The following CCSER2 variants were observed in gnomAD, a reference collection of about 807,000 sequenced individuals.
CCSER2 encodes the protein serine-rich coiled-coil domain-containing protein 2.
Under a neutral mutation model 92.3 loss-of-function variants are expected in CCSER2, and 46 were observed. The ratio of observed to expected loss-of-function variants is 0.50; its 90% CI spans 0.39 to 0.64. The LOEUF (loss-of-function observed/expected upper bound fraction) is 0.64. Ranked by LOEUF, CCSER2 falls within the 30% of genes least tolerant of loss-of-function variation. CCSER2 has a pLI of 0.00. For missense variants in CCSER2, 1,244 were observed against 1,238.9 expected (o/e 1.00, Z -0.06); for synonymous variants, 433 against 431.4 (o/e 1.00, Z -0.04).
intron 3 of CCSER2, among the ~76,000 whole-genome samples, chr10:84,413,524 A>C (rs1842755020): frequency 6.6e-6 from 1 of 152,038 alleles, no homozygotes; most frequent in Non-Finnish European, 1.5e-5. Flanking sequence ...TTATGATTTC[A>C]GTTCTTTTGC....
chr10:84,330,699 G>T (rs771721846), intron 1 of CCSER2, among the ~76,000 whole-genome samples: 1 of 152,066 alleles, frequency 6.6e-6, no homozygotes, highest in Non-Finnish European at 1.5e-5. Flanking sequence ...AGTAGAGACG[G>T]GTTTCAGTAT....
At chr10:84,425,012 TAGTG>T (rs1843353337) in intron 4 of CCSER2, 3 of 983,426 alleles carry the variant, frequency 3.1e-6, no homozygotes, top group African/African-American at 1.7e-5. Context: ...GTAACTCTCT[TAGTG>T]AGTGCTCAGA....
intron 6 of CCSER2, among the ~76,000 whole-genome samples, chr10:84,442,553 G>A (rs1476983008): frequency 6.6e-6 from 1 of 152,192 alleles, no homozygotes; most frequent in East Asian, 1.9e-4. Context: ...TTCCTGGATG[G>A]TAAGAATGTA....
At chr10:84,482,465 T>C (rs1384872059) in intron 9 of CCSER2, among the ~76,000 whole-genome samples, 1 of 152,242 alleles carries the variant, frequency 6.6e-6, no homozygotes, top group African/African-American at 2.4e-5. Context: ...TACAGATCCA[T>C]GTACAAGCAT....
At chr10:84,333,093 A>T (rs1391459530) in intron 1 of CCSER2, among the ~76,000 whole-genome samples, 1 of 152,234 alleles carries the variant, frequency 6.6e-6, no homozygotes, top group Non-Finnish European at 1.5e-5. Flanking sequence ...TTAATAAATT[A>T]TGGTAAGTTT....
chr10:84,457,477 A>G (rs1172408025), intron 6 of CCSER2, among the ~76,000 whole-genome samples: 1 of 114,194 alleles, frequency 8.8e-6, no homozygotes, highest in Non-Finnish European at 1.6e-5. Context: ...TATATATAAA[A>G]GACATGGACT....
intron 1 of CCSER2, among the ~76,000 whole-genome samples, chr10:84,367,612 C>T (rs1845844855): frequency 6.6e-6 from 1 of 151,904 alleles, no homozygotes; most frequent in African/African-American, 2.4e-5. Context: ...CTCCTGGTCT[C>T]AAGTGATCAA....
intron 3 of CCSER2, among the ~76,000 whole-genome samples, chr10:84,377,006 G>A (rs1293746484): frequency 1.3e-5 from 2 of 151,858 alleles, no homozygotes; most frequent in African/African-American, 2.4e-5. Context: ...CTTGTGTTGG[G>A]TTTGTTTTCT....
chr10:84,451,254 G>GTT (rs554339043), intron 6 of CCSER2, among the ~76,000 whole-genome samples: 15,274 of 139,456 alleles, frequency 0.11, 843 homozygotes, highest in Middle Eastern at 0.16. Context: ...GGTTGGTTGG[G>GTT]TTTTTTTTTT....
At chr10:84,421,010 A>G (rs1843122317) in intron 4 of CCSER2, among the ~76,000 whole-genome samples, 1 of 151,550 alleles carries the variant, frequency 6.6e-6, no homozygotes, top group African/African-American at 2.4e-5. Flanking sequence ...GTATCAGTGG[A>G]GTTTTGGCCC....
At chr10:84,414,085 C>G (rs1842780599) in intron 3 of CCSER2, among the ~76,000 whole-genome samples, 1 of 152,164 alleles carries the variant, frequency 6.6e-6, no homozygotes, top group Admixed American at 6.5e-5. Flanking sequence ...ACCGATGGAT[C>G]TTGGCTAATT....
At chr10:84,418,644 G>T (rs915261854) in intron 4 of CCSER2, among the ~76,000 whole-genome samples, 4 of 152,176 alleles carry the variant, frequency 2.6e-5, no homozygotes, top group African/African-American at 2.4e-5. Context: ...CTAGAAAAAT[G>T]CAAGGAATAT....
intron 6 of CCSER2, among the ~76,000 whole-genome samples, chr10:84,446,899 T>A (rs952666710): frequency 4.6e-5 from 7 of 151,946 alleles, no homozygotes; most frequent in Non-Finnish European, 1.0e-4. Context: ...TTCATTCAAC[T>A]TTTTTTTAAG....
chr10:84,338,483 C>T (rs1165378721), intron 1 of CCSER2, among the ~76,000 whole-genome samples: 2 of 151,806 alleles, frequency 1.3e-5, no homozygotes, highest in Non-Finnish European at 2.9e-5. Flanking sequence ...AATGTTTCAA[C>T]AGAGAAAAAA....
At chr10:84,338,291 TAA>T (rs77000035) in intron 1 of CCSER2, among the ~76,000 whole-genome samples, 17,232 of 108,782 alleles carry the variant, frequency 0.16, 2,969 homozygotes, top group African/African-American at 0.42. Flanking sequence ...AAGAAAAACT[TAA>T]AAAAAAAAAA....
intron 3 of CCSER2, chr10:84,389,520 TG>T: frequency 3.7e-6 from 1 of 273,712 alleles, no homozygotes; most frequent in Non-Finnish European, 7.3e-6. Flanking sequence ...CTGGTTGCCC[TG>T]GGGGCCGATC....
At chr10:84,413,217 T>G (rs1564639264) in intron 3 of CCSER2, among the ~76,000 whole-genome samples, 1 of 152,058 alleles carries the variant, frequency 6.6e-6, no homozygotes, top group Non-Finnish European at 1.5e-5. Context: ...CTCTTGGTTC[T>G]CTAGTCCTTT....
chr10:84,496,324 C>T (rs1000590415), intron 9 of CCSER2, among the ~76,000 whole-genome samples: 53 of 152,192 alleles, frequency 3.5e-4, no homozygotes, highest in Admixed American at 6.5e-4. Context: ...CTCGCTCTGT[C>T]GCCCAGGCTG....
chr10:84,354,186 G>T (rs1305301085), intron 1 of CCSER2, among the ~76,000 whole-genome samples: 2 of 152,048 alleles, frequency 1.3e-5, no homozygotes, highest in African/African-American at 4.8e-5. Flanking sequence ...GTGGGTGACA[G>T]AGGGAGACTC....
Sources: gnomAD v4.1 joint callset for allele counts (sites outside exome capture counted in the v4.1 genomes callset) on GRCh38, gnomAD v4.1.1 for gene constraint, MANE v1.5 for transcripts, NCBI Gene and HGNC (gene_info 2026-07-23, HGNC 2026-07-21) for gene names.